The following RHOQ variants were observed in gnomAD, a reference collection of about 807,000 sequenced individuals.
RHOQ encodes the protein ras homolog family member Q.
RHOQ carries 7 observed loss-of-function variants against 25.8 expected under a neutral mutation model. The ratio of observed to expected loss-of-function variants is 0.27; its 90% CI spans 0.15 to 0.51. RHOQ has a LOEUF of 0.51. RHOQ is among the 20% of genes least tolerant of loss of function. The pLI is 0.97. For synonymous variants in RHOQ, 97 were observed against 98.6 expected (o/e 0.98, Z 0.10); for missense variants, 165 against 260.6 (o/e 0.63, Z 2.53).
intron 1 of RHOQ, 131 bp from the exon 2 acceptor site, chr2:46,543,623 T>C (rs1385769712): frequency 5.4e-6 from 4 of 743,516 alleles, no homozygotes; most frequent in African/African-American, 1.7e-5. Context: ...GAAAAGGGGG[T>C]GACATCTCGC....
rs1669413947 is a variant in RHOQ, at chr2:46,582,221, T to G, written c.*1138T>G. On this transcript the variant is annotated 3_prime_UTR_variant, in exon 5 of 5. Transcript: ENST00000238738. ...CAGCCATATTACATCAGGCTAGAAG[T>G]AATTAATGTTGATTTATTTCATCTA... 6.6e-6 allele frequency: 1 copy of G among 151,508 alleles called. No individual in the cohort carries two copies. Among genetic ancestry groups the G allele is most frequent in the Non-Finnish European group, 1.5e-5 (1 of 67,906 alleles). 9.4% of individuals were successfully genotyped at this position (151,508 alleles called of 1,614,324 possible).
At chr2:46,560,620 T>C (rs958911419) in intron 2 of RHOQ, 2 of 456,270 alleles carry the variant, frequency 4.4e-6, no homozygotes, top group South Asian at 1.5e-5. Context: ...TACGAGAGCA[T>C]GGGTTTCCAG....
At chr2:46,571,770 C>G (rs1269909712) in intron 2 of RHOQ, among the ~76,000 whole-genome samples, 1 of 152,182 alleles carries the variant, frequency 6.6e-6, no homozygotes, top group Non-Finnish European at 1.5e-5. Context: ...TACCAGCTAA[C>G]AAAGCATGGC....
At chr2:46,572,396 C>T (rs1445551686) in intron 2 of RHOQ, among the ~76,000 whole-genome samples, 1 of 152,068 alleles carries the variant, frequency 6.6e-6, no homozygotes, top group Non-Finnish European at 1.5e-5. Flanking sequence ...AGCCACCGCA[C>T]CTGGCCATGT....
At position 46,569,768 on chromosome 2, in the gene RHOQ, G is replaced by A. The variant is rs371740030; in HGVS notation, c.202-6319G>A. Among the ~76,000 whole-genome samples the A allele has an allele frequency of 1.7e-4, 26 of 152,236 alleles. No individual in the cohort carries two copies. The highest frequency in any genetic ancestry group is 6.3e-4 in the African/African-American group (26 of 41,526). ...AATTTCAAGAATTCTTTTACTAAGC[G>A]CTAATCAGGCCAGTGACATATAAAT... On this transcript the variant is annotated intron_variant, in intron 2 of 4. Coordinates refer to ENST00000238738, the MANE Select transcript of RHOQ (RefSeq NM_012249.4). This position sits in a 1 kb window ranked among gnomAD's most constrained non-coding sequence, Gnocchi z 4.1.
Position 46,552,404 on chromosome 2 carries a change from C to T in RHOQ, c.201+8592C>T, listed in dbSNP as rs1460674310. ...GCTGTTTGGGGGGCTGCCAGGCGGGCCAGCTTTAGCCTGCAAATGACGGGT... is the reference window on the plus strand; with the variant it reads ...GCTGTTTGGGGGGCTGCCAGGCGGGTCAGCTTTAGCCTGCAAATGACGGGT... On this transcript the variant is annotated intron_variant, in intron 2 of 4. Coordinates refer to ENST00000238738, the MANE Select transcript of RHOQ (RefSeq NM_012249.4). This position sits in a 1 kb window ranked among gnomAD's most constrained non-coding sequence, Gnocchi z 5.0. Among the ~76,000 whole-genome samples, 2 of 152,230 alleles carry T rather than the reference C, an allele frequency of 1.3e-5. No homozygotes were observed. Among genetic ancestry groups the T allele is most frequent in the Admixed American group, 6.5e-5 (1 of 15,282 alleles).
At position 46,576,729 on chromosome 2, in the gene RHOQ, G is replaced by C. The variant is rs550279558; in HGVS notation, c.462+73G>C. 3.0e-4 allele frequency: 320 copies of C among 1,057,540 alleles called. No individual in the cohort carries two copies. The African/African-American group carries it at 4.7e-3, about 16-fold the overall frequency. The allele number at this position is 1,057,540 out of a possible 1,614,324, so 65.5% of individuals were successfully genotyped here. On this transcript the variant is annotated intron_variant, in intron 4 of 4. Transcript: ENST00000238738. This position sits in a 1 kb window ranked among gnomAD's most constrained non-coding sequence, Gnocchi z 5.1. The stretch of plus-strand genomic sequence containing the variant: ...GATAACAATAGAAGCTAATTTTATT[G>C]TGTATTTACTGTGTGCCAGGTGGAG...
chr2:46,546,060 A>G (rs890313002), intron 2 of RHOQ, among the ~76,000 whole-genome samples: 4 of 152,032 alleles, frequency 2.6e-5, no homozygotes, highest in Non-Finnish European at 1.5e-5. Flanking sequence ...TTGTTTTTGC[A>G]TCAAAGCTAG....
rs1667975080 is a variant in RHOQ, at chr2:46,544,317, G to GTT, written c.201+506_201+507insTT. Among the ~76,000 whole-genome samples, 8 of 152,218 alleles carry GTT rather than the reference G, an allele frequency of 5.3e-5. No individual in the cohort carries two copies. The South Asian group carries it at 1.7e-3, about 32-fold the overall frequency. On this transcript the variant is annotated intron_variant, in intron 2 of 4. Transcript: ENST00000238738. ...CTCTGGGACTCCAGTCCCTGAAAAC[G>GTT]TAATTTGTGGTGTTACCAAAGGACC...
intron 2 of RHOQ, among the ~76,000 whole-genome samples, chr2:46,550,513 C>G (rs1412029787): frequency 6.6e-6 from 1 of 152,208 alleles, no homozygotes; most frequent in Non-Finnish European, 1.5e-5. Context: ...TCTCAGACTC[C>G]GGCCTTTGCA....
chr2:46,546,470 ATATG>A (rs1243897198), intron 2 of RHOQ, among the ~76,000 whole-genome samples: 3,789 of 15,008 alleles, frequency 0.25, 203 homozygotes, highest in Non-Finnish European at 0.32. Context: ...ATATATATAT[ATATG>A]TGTATATATA....
At chr2:46,571,852 A>G (rs1668925036) in intron 2 of RHOQ, among the ~76,000 whole-genome samples, 1 of 152,214 alleles carries the variant, frequency 6.6e-6, no homozygotes, top group South Asian at 2.1e-4. Context: ...AAATAGACAT[A>G]CACATCCCAA....
intron 2 of RHOQ, among the ~76,000 whole-genome samples, chr2:46,558,091 C>T (rs1221929180): frequency 6.6e-6 from 1 of 152,240 alleles, no homozygotes; most frequent in Non-Finnish European, 1.5e-5. Flanking sequence ...TTCACCCTCC[C>T]ATGCAGCAAG....
intron 2 of RHOQ, among the ~76,000 whole-genome samples, chr2:46,546,451 C>A (rs868440025): frequency 4.2e-5 from 2 of 47,120 alleles, no homozygotes; most frequent in African/African-American, 1.4e-4. Flanking sequence ...TACACATATA[C>A]ATATATATAT....
At position 46,581,727 on chromosome 2, in the gene RHOQ, C is replaced by G; in HGVS notation, c.*644C>G. On this transcript the variant is annotated 3_prime_UTR_variant, in exon 5 of 5. Transcript: ENST00000238738. ...TGCCAAAAGTGTAATAAGGTCATAA[C>G]TGCATTTATCATGAACACTAAAAAT... 8.0e-7 allele frequency: 1 copy of G among 1,250,656 alleles called. No homozygotes were observed. Among genetic ancestry groups the G allele is most frequent in the Middle Eastern group, 3.0e-4 (1 of 3,302 alleles). 77.5% of individuals were successfully genotyped at this position (1,250,656 alleles called of 1,614,324 possible).
At chr2:46,546,475 TGTA>T in intron 2 of RHOQ, among the ~76,000 whole-genome samples, 1 of 6,790 alleles carries the variant, frequency 1.5e-4, no homozygotes, top group Non-Finnish European at 4.8e-4. Flanking sequence ...TATATATATG[TGTA>T]TATATATATA....
intron 2 of RHOQ, among the ~76,000 whole-genome samples, chr2:46,557,982 T>C (rs1272140641): frequency 6.6e-6 from 1 of 152,168 alleles, no homozygotes; most frequent in Non-Finnish European, 1.5e-5. Context: ...TATGATTATA[T>C]TTTTTTTCTT....
intron 2 of RHOQ, among the ~76,000 whole-genome samples, chr2:46,570,327 C>G (rs966271266): frequency 6.6e-6 from 1 of 152,034 alleles, no homozygotes; most frequent in Non-Finnish European, 1.5e-5. Flanking sequence ...GTAATCCCAG[C>G]TACTCAGGAG....
intron 2 of RHOQ, among the ~76,000 whole-genome samples, chr2:46,545,075 A>G (rs1190365595): frequency 1.3e-5 from 2 of 152,144 alleles, no homozygotes; most frequent in Admixed American, 6.5e-5. Context: ...GAAGATAGAG[A>G]ACTGCTGGCA....
Sources: gnomAD v4.1 joint callset for allele counts (sites outside exome capture counted in the v4.1 genomes callset) on GRCh38, gnomAD v4.1.1 for gene constraint, Gnocchi (gnomAD v3.1) non-coding constraint, MANE v1.5 for transcripts, NCBI Gene and HGNC (gene_info 2026-07-23, HGNC 2026-07-21) for gene names.